The following RAB38 variants were observed in gnomAD, a reference collection of about 807,000 sequenced individuals.
RAB38 encodes the protein ras-related protein Rab-38.
Under a neutral mutation model 18.4 loss-of-function variants are expected in RAB38, and 15 were observed. The observed-to-expected ratio is 0.82, with a 90% CI of 0.55 to 1.26. The LOEUF (loss-of-function observed/expected upper bound fraction) is 1.26, where lower values mean the gene tolerates loss of function less well. RAB38 is among the 50% of genes most tolerant of loss of function. The pLI is 0.00. For missense variants in RAB38, 294 were observed against 267.4 expected (o/e 1.10, Z -0.69); for synonymous variants, 101 against 104.4 (o/e 0.97, Z 0.20).
intron 1 of RAB38, chr11:88,173,529 T>C: frequency 3.0e-6 from 3 of 985,356 alleles, no homozygotes; most frequent in Non-Finnish European, 3.6e-6. Context: ...GTGAGGAGAC[T>C]GAAATCTACA....
chr11:88,145,847 G>C (rs1046479981), intron 2 of RAB38, among the ~76,000 whole-genome samples: 3 of 152,086 alleles, frequency 2.0e-5, no homozygotes, highest in African/African-American at 7.2e-5. Context: ...GGAACAGCAG[G>C]TATAAACCAG....
chr11:87,885,409 A>T, the RAB38 span, among the ~76,000 whole-genome samples: 1 of 150,896 alleles, frequency 6.6e-6, no homozygotes, highest in South Asian at 2.1e-4. Flanking sequence ...CTGTTGCTAC[A>T]CTTACCACCC....
the RAB38 span, among the ~76,000 whole-genome samples, chr11:88,059,794 C>T: frequency 6.6e-6 from 1 of 152,096 alleles, no homozygotes; most frequent in South Asian, 2.1e-4. Flanking sequence ...AACATTGGAG[C>T]CTTCTAAGAC....
At chr11:87,942,883 T>TCTAA in the RAB38 span, among the ~76,000 whole-genome samples, 3 of 152,164 alleles carry the variant, frequency 2.0e-5, no homozygotes, top group African/African-American at 7.2e-5. Flanking sequence ...TCCATTGAGC[T>TCTAA]CTAACTCTGT....
the RAB38 span, among the ~76,000 whole-genome samples, chr11:87,877,250 T>C: frequency 1.3e-5 from 2 of 151,548 alleles, no homozygotes; most frequent in African/African-American, 4.8e-5. Flanking sequence ...GGAAAGTACA[T>C]AAAATTGTTT....
At chr11:88,043,762 A>T in the RAB38 span, among the ~76,000 whole-genome samples, 1 of 152,160 alleles carries the variant, frequency 6.6e-6, no homozygotes, top group Admixed American at 6.5e-5. Context: ...CTGCTCACAC[A>T]AAGCCTGTTT....
the RAB38 span, among the ~76,000 whole-genome samples, chr11:87,848,382 G>C: frequency 7.7e-4 from 117 of 152,266 alleles, no homozygotes; most frequent in African/African-American, 2.7e-3. Context: ...TTTATAGTAA[G>C]AATGAAAGCA....
the RAB38 span, among the ~76,000 whole-genome samples, chr11:87,946,457 A>G: frequency 1.3e-5 from 2 of 151,958 alleles, no homozygotes; most frequent in Non-Finnish European, 2.9e-5. Context: ...TGTTACATAT[A>G]TATACATGTG....
At chr11:88,133,871 T>C (rs1942797664) in intron 2 of RAB38, among the ~76,000 whole-genome samples, 1 of 152,344 alleles carries the variant, frequency 6.6e-6, no homozygotes, top group Non-Finnish European at 1.5e-5. Context: ...TAGTCTTAGC[T>C]ATTTTGAAAT....
At chr11:87,945,950 C>T in the RAB38 span, among the ~76,000 whole-genome samples, 1 of 152,104 alleles carries the variant, frequency 6.6e-6, no homozygotes, top group African/African-American at 2.4e-5. Flanking sequence ...CACAATTACC[C>T]TTCATTGTAA....
the RAB38 span, among the ~76,000 whole-genome samples, chr11:88,024,361 C>A: frequency 1.5e-4 from 23 of 152,070 alleles, no homozygotes; most frequent in Non-Finnish European, 2.1e-4. Flanking sequence ...GTTAAAATGG[C>A]TTTTATTCAA....
chr11:87,932,754 T>A, the RAB38 span, among the ~76,000 whole-genome samples: 1 of 152,090 alleles, frequency 6.6e-6, no homozygotes, highest in African/African-American at 2.4e-5. Flanking sequence ...GTCCAGTGTG[T>A]AGGCAAAAAC....
At chr11:88,152,984 G>T (rs1009069125) in intron 1 of RAB38, among the ~76,000 whole-genome samples, 1 of 152,236 alleles carries the variant, frequency 6.6e-6, no homozygotes, top group African/African-American at 2.4e-5. Context: ...TAGCAGTGTA[G>T]ATGTGGCTCA....
the RAB38 span, among the ~76,000 whole-genome samples, chr11:87,917,713 A>G: frequency 2.0e-5 from 3 of 152,006 alleles, no homozygotes; most frequent in African/African-American, 7.2e-5. Context: ...CTGTGAGTCC[A>G]TGCACTCTTC....
At chr11:88,174,917 G>A (rs972083120) in intron 1 of RAB38, among the ~76,000 whole-genome samples, 1 of 152,236 alleles carries the variant, frequency 6.6e-6, no homozygotes, top group African/African-American at 2.4e-5. Context: ...ATCTTCCTCT[G>A]GTTCCCTGGG....
the RAB38 span, among the ~76,000 whole-genome samples, chr11:88,092,293 A>G: frequency 0.14 from 5,111 of 36,756 alleles, 1,991 homozygotes; most frequent in Admixed American, 0.3. Context: ...AAGGTGAAGG[A>G]GACGGCCGGT....
chr11:87,940,880 C>T, the RAB38 span, among the ~76,000 whole-genome samples: 1 of 152,016 alleles, frequency 6.6e-6, no homozygotes, highest in Non-Finnish European at 1.5e-5. Context: ...GATTCTCCCT[C>T]CTCGGCCTCC....
chr11:87,973,315 T>G, the RAB38 span, among the ~76,000 whole-genome samples: 1 of 152,036 alleles, frequency 6.6e-6, no homozygotes, highest in Non-Finnish European at 1.5e-5. Flanking sequence ...GAATTTTAGT[T>G]CTCTAGATTC....
the RAB38 span, among the ~76,000 whole-genome samples, chr11:87,880,599 A>G: frequency 6.6e-6 from 1 of 151,838 alleles, no homozygotes; most frequent in Admixed American, 6.6e-5. Context: ...GTTTATATTC[A>G]GTTTTGGGGA....
Sources: allele counts gnomAD v4.1 joint callset (sites outside exome capture counted in the v4.1 genomes callset), GRCh38; gene constraint gnomAD v4.1.1; transcripts MANE v1.5; gene names NCBI Gene and HGNC (gene_info 2026-07-23, HGNC 2026-07-21).